The following NCAM1 variants were observed in gnomAD, a reference collection of about 807,000 sequenced individuals.
NCAM1 encodes neural cell adhesion molecule 1.
In NCAM1, 14 loss-of-function variants were observed where a neutral mutation model predicts 109.8. The ratio of observed to expected loss-of-function variants is 0.13; its 90% confidence interval spans 0.08 to 0.20. The LOEUF (loss-of-function observed/expected upper bound fraction) is 0.20, where lower values mean the gene tolerates loss of function less well. NCAM1 is among the 10% of genes least tolerant of loss of function. The pLI, the probability that NCAM1 is intolerant of heterozygous loss-of-function variation, is 1.00. For synonymous variants in NCAM1, 418 were observed against 442.9 expected, an observed-to-expected ratio of 0.94 and a Z score of 0.70; for missense variants, 774 against 1,109.9, an observed-to-expected ratio of 0.70 and a Z score of 4.30.
At chr11:113,107,186 G>A (rs1470146156) in intron 1 of NCAM1, among the ~76,000 whole-genome samples, 2 of 152,122 alleles carry the variant, frequency 1.3e-5, no homozygotes, top group African/African-American at 2.4e-5. Flanking sequence ...GAAAGTTTGG[G>A]TTTTAAAGTT....
At chr11:113,072,858 C>T (rs1555085542) in intron 1 of NCAM1, among the ~76,000 whole-genome samples, 1 of 148,524 alleles carries the variant, frequency 6.7e-6, no homozygotes, top group African/African-American at 2.5e-5. Context: ...TGGTAAACTA[C>T]ACATAACAAA....
At chr11:113,234,968 T>A in intron 13 of NCAM1, 65 bp from the exon 14 acceptor site, 1 of 1,493,134 alleles carries the variant, frequency 6.7e-7, no homozygotes, top group South Asian at 1.3e-5. Flanking sequence ...CTCCCTACTG[T>A]TTTTCAGAGC....
intron 1 of NCAM1, among the ~76,000 whole-genome samples, chr11:112,974,996 G>A (rs550821466): frequency 2.2e-4 from 34 of 151,930 alleles, no homozygotes; most frequent in Admixed American, 2.6e-4. Context: ...TATCTTGCAC[G>A]TTTTAGGGTA....
intron 1 of NCAM1, among the ~76,000 whole-genome samples, chr11:113,028,764 A>C (rs1369882624): frequency 1.3e-5 from 2 of 152,226 alleles, no homozygotes; most frequent in Non-Finnish European, 2.9e-5. Flanking sequence ...TTTTTACTTT[A>C]TAAATATCGG....
At chr11:113,229,535 G>A (rs1370301781) in intron 9 of NCAM1, among the ~76,000 whole-genome samples, 140 of 152,246 alleles carry the variant, frequency 9.2e-4, no homozygotes, top group Non-Finnish European at 1.3e-3. Context: ...CGATTCCTCA[G>A]GGATCTAGAA....
intron 1 of NCAM1, among the ~76,000 whole-genome samples, chr11:113,194,885 A>G (rs1943807554): frequency 6.6e-6 from 1 of 152,238 alleles, no homozygotes; most frequent in Non-Finnish European, 1.5e-5. Flanking sequence ...AACCTAGCAG[A>G]TCACTTCTAG....
intron 1 of NCAM1, among the ~76,000 whole-genome samples, chr11:113,185,079 T>TATATATATATATATATATATATATAG: frequency 1.8e-4 from 23 of 125,752 alleles, no homozygotes; most frequent in African/African-American, 5.1e-4. Context: ...TATATATATA[T>TATATATATATATATATATATATATAG]AGAGAGAGAG....
chr11:112,984,764 T>C (rs1334066916), intron 1 of NCAM1, among the ~76,000 whole-genome samples: 1 of 151,960 alleles, frequency 6.6e-6, no homozygotes, highest in Non-Finnish European at 1.5e-5. Flanking sequence ...TTTTTGCTGT[T>C]CAGTTTGTGT....
At chr11:113,171,637 A>C (rs558267855) in intron 1 of NCAM1, among the ~76,000 whole-genome samples, 1 of 17,836 alleles carries the variant, frequency 5.6e-5, no homozygotes, top group East Asian at 8.0e-4. Flanking sequence ...TTGTCTCAAT[A>C]AATAAATAAA....
At chr11:113,178,037 CCTTA>C (rs1359114946) in intron 1 of NCAM1, among the ~76,000 whole-genome samples, 1 of 152,140 alleles carries the variant, frequency 6.6e-6, no homozygotes, top group Non-Finnish European at 1.5e-5. Context: ...AAAAAAACTT[CCTTA>C]AAGACTGTGT....
chr11:113,050,209 T>C (rs1953425131), intron 1 of NCAM1, among the ~76,000 whole-genome samples: 1 of 152,186 alleles, frequency 6.6e-6, no homozygotes, highest in Admixed American at 6.5e-5. Flanking sequence ...CGGCTGGATA[T>C]GATTTATGCT....
At chr11:113,005,343 T>C (rs184418991) in intron 1 of NCAM1, among the ~76,000 whole-genome samples, 55 of 152,278 alleles carry the variant, frequency 3.6e-4, no homozygotes, top group African/African-American at 1.2e-3. Flanking sequence ...TACTGAATGA[T>C]GAGCTTCGTT....
At chr11:113,002,140 G>A (rs1398992922) in intron 1 of NCAM1, among the ~76,000 whole-genome samples, 1 of 152,174 alleles carries the variant, frequency 6.6e-6, no homozygotes, top group East Asian at 1.9e-4. Context: ...TTGGAGGGTG[G>A]AAGAGTCAAC....
At chr11:113,082,582 A>G (rs1161117870) in intron 1 of NCAM1, among the ~76,000 whole-genome samples, 1 of 152,210 alleles carries the variant, frequency 6.6e-6, no homozygotes, top group Non-Finnish European at 1.5e-5. Flanking sequence ...AGCCAGGGAA[A>G]TCTTTCAAAG....
Position 113,275,294 on chromosome 11 carries a change from G to A in NCAM1, c.2484G>A (p.Glu828=). The change falls in exon 20 of 20, where the codon GAG becomes GAA. Residue 828 remains glutamate (E), a synonymous_variant. Transcript: ENST00000316851. ...AGGGCCCCGTAGAAGCAAAGCCAGAGTGCCAGGAGACAGAAACGAAGCCAG... is the reference window on the plus strand; with the variant it reads ...AGGGCCCCGTAGAAGCAAAGCCAGAATGCCAGGAGACAGAAACGAAGCCAG... The part of the protein sequence containing the change: ...PEKGPVEAKP[E]CQETETKPAP... 3 of 1,613,836 alleles carry A rather than the reference G, an allele frequency of 1.9e-6. No homozygotes were observed. Among genetic ancestry groups the A allele is most frequent in the Non-Finnish European group, 2.5e-6 (3 of 1,179,832 alleles).
chr11:113,138,396 C>T (rs1941689043), intron 1 of NCAM1, among the ~76,000 whole-genome samples: 1 of 152,234 alleles, frequency 6.6e-6, no homozygotes, highest in Non-Finnish European at 1.5e-5. Context: ...CTTCTGTCAT[C>T]TCAGGCCTGG....
chr11:113,255,801 C>T, intron 15 of NCAM1, 76 bp from the exon 16 acceptor site: 1 of 1,520,424 alleles, frequency 6.6e-7, no homozygotes, highest in East Asian at 2.3e-5. Flanking sequence ...CCCACCCTGT[C>T]ACTCCATCCC....
At position 113,274,491 on chromosome 11, in the gene NCAM1, C is replaced by T. The variant is rs1401980477; in HGVS notation, c.2457-776C>T. ...GGAACTGATGGAGGCAGAGTCAGACCTAGATTTTTATAGAGGCTCCTATGG... is the reference window on the plus strand; with the variant it reads ...GGAACTGATGGAGGCAGAGTCAGACTTAGATTTTTATAGAGGCTCCTATGG... On this transcript the variant is annotated intron_variant, in intron 19 of 19. Coordinates refer to ENST00000316851, the MANE Select transcript of NCAM1 (RefSeq NM_181351.5). The surrounding 1 kb of genome is among the most constrained non-coding windows in gnomAD (Gnocchi z 4.1). Among the ~76,000 whole-genome samples, 3 of 152,194 alleles carry T rather than the reference C, an allele frequency of 2.0e-5. No homozygotes were observed. The highest frequency in any genetic ancestry group is 1.5e-5 in the Non-Finnish European group (1 of 68,042).
chr11:113,082,937 A>G (rs1938905172), intron 1 of NCAM1, among the ~76,000 whole-genome samples: 1 of 152,190 alleles, frequency 6.6e-6, no homozygotes, highest in Non-Finnish European at 1.5e-5. Context: ...TTGATTTTTC[A>G]ATCACAATTA....
Sources: allele counts gnomAD v4.1 joint callset (sites outside exome capture counted in the v4.1 genomes callset), GRCh38; gene constraint gnomAD v4.1.1; non-coding constraint Gnocchi (gnomAD v3.1); transcripts MANE v1.5; gene names NCBI Gene and HGNC (gene_info 2026-07-23, HGNC 2026-07-21).